The following SNX8 variants were observed in gnomAD, a reference collection of about 807,000 sequenced individuals.
SNX8 encodes the protein sorting nexin-8.
In SNX8, 25 loss-of-function variants were observed where a neutral mutation model predicts 51.6. The ratio of observed to expected loss-of-function variants is 0.48; its 90% CI spans 0.35 to 0.68. SNX8 has a LOEUF of 0.68. Ranked by LOEUF, SNX8 falls within the 30% of genes least tolerant of loss-of-function variation. The probability of loss-of-function intolerance (pLI) is 0.00; values close to 1 mark genes in which losing one functional copy is unlikely to be tolerated. For synonymous variants in SNX8, 324 were observed against 277.0 expected, an observed-to-expected ratio of 1.17 and a Z score of -1.68; for missense variants, 695 against 624.0, an observed-to-expected ratio of 1.11 and a Z score of -1.21.
chr7:2,298,465 G>A (rs1796321195), intron 1 of SNX8, among the ~76,000 whole-genome samples: 1 of 151,918 alleles, frequency 6.6e-6, no homozygotes, highest in African/African-American at 2.4e-5. Flanking sequence ...AGCCTCCCAG[G>A]TTCCAGCAAT....
At chr7:2,346,565 G>C (rs891141589) in intron 1 of SNX8, among the ~76,000 whole-genome samples, 1 of 151,576 alleles carries the variant, frequency 6.6e-6, no homozygotes, top group Non-Finnish European at 1.5e-5. Context: ...GGCTAACACA[G>C]TGAAACCCCG....
chr7:2,300,641 C>CT (rs201999410), intron 1 of SNX8, among the ~76,000 whole-genome samples: 10 of 147,190 alleles, frequency 6.8e-5, no homozygotes, highest in African/African-American at 1.0e-4. Flanking sequence ...GTCTTTTTTT[C>CT]TTTTTTTTTT....
chr7:2,325,848 A>C, intron 1 of SNX8, among the ~76,000 whole-genome samples: 1 of 152,088 alleles, frequency 6.6e-6, no homozygotes, highest in East Asian at 1.9e-4. Flanking sequence ...AATTTTTTTA[A>C]ATAAAAATAA....
intron 1 of SNX8, among the ~76,000 whole-genome samples, chr7:2,327,613 T>C (rs573283247): frequency 2.0e-5 from 3 of 151,944 alleles, no homozygotes; most frequent in African/African-American, 4.8e-5. Flanking sequence ...TTCACTGTGT[T>C]AGCCAGGATG....
chr7:2,276,899 C>T (rs1390574255), intron 2 of SNX8, among the ~76,000 whole-genome samples: 1 of 152,166 alleles, frequency 6.6e-6, no homozygotes, highest in African/African-American at 2.4e-5. Context: ...GAGCTATGAT[C>T]GTGCCACTGC....
At chr7:2,295,939 T>C (rs1458744309) in intron 1 of SNX8, among the ~76,000 whole-genome samples, 2 of 152,332 alleles carry the variant, frequency 1.3e-5, no homozygotes, top group African/African-American at 4.8e-5. Context: ...TCCATGGGTC[T>C]GTGTGCACGT....
intron 1 of SNX8, among the ~76,000 whole-genome samples, chr7:2,323,349 A>AAC (rs1562457857): frequency 4.1e-5 from 6 of 145,550 alleles, no homozygotes; most frequent in African/African-American, 7.7e-5. Flanking sequence ...AAAAAAAAAA[A>AAC]CAACCAAACA....
chr7:2,281,796 C>T (rs1303343721), intron 1 of SNX8, among the ~76,000 whole-genome samples: 4 of 152,282 alleles, frequency 2.6e-5, no homozygotes, highest in South Asian at 2.1e-4. Flanking sequence ...TGGCCTAGCA[C>T]GCAGCCGCCT....
intron 5 of SNX8, among the ~76,000 whole-genome samples, chr7:2,268,586 C>A (rs572851972): frequency 1.4e-5 from 2 of 139,304 alleles, no homozygotes; most frequent in African/African-American, 2.7e-5. Context: ...CCGCCCTGTC[C>A]GGGAGGGAGG....
chr7:2,323,672 T>A (rs1465875929), intron 1 of SNX8, among the ~76,000 whole-genome samples: 1 of 152,174 alleles, frequency 6.6e-6, no homozygotes, highest in Admixed American at 6.6e-5. Context: ...GGACCAGTGA[T>A]GTGGTCTCGC....
In SNX8 at chr7:2,281,827, C is replaced by T. The variant is rs554977020; in HGVS notation, c.95-3522G>A. Among the ~76,000 whole-genome samples, 74 of 152,286 alleles carry T rather than the reference C, an allele frequency of 4.9e-4. 1 individual carries two copies. The highest frequency in any genetic ancestry group is 1.8e-3 in the African/African-American group (74 of 41,548). The stretch of plus-strand genomic sequence containing the variant: ...CGCCTCTGAGCTTACTGTTCAAATC[C>T]GTGCGGTGGGTGTAAGGATGCCCTC... On this transcript the variant is annotated intron_variant, in intron 1 of 10. Transcript: ENST00000222990.
chr7:2,300,685 C>A (rs535430723), intron 1 of SNX8, among the ~76,000 whole-genome samples: 1 of 151,388 alleles, frequency 6.6e-6, no homozygotes, highest in East Asian at 1.9e-4. Flanking sequence ...TCTTGTCACC[C>A]AGGCTGGAGT....
chr7:2,309,215 A>G (rs895924943), intron 1 of SNX8, among the ~76,000 whole-genome samples: 8 of 152,066 alleles, frequency 5.3e-5, no homozygotes, highest in Admixed American at 5.2e-4. Flanking sequence ...GTGAGCCACC[A>G]CACCCTGCTC....
rs1456483421 is a variant in SNX8 at position 2,263,230 on chromosome 7, C to T, written c.915G>A (p.Gln305=). The change falls in exon 7 of 11, where the codon CAG becomes CAA. Residue 305 remains glutamine (Q), a splice_region_variant and synonymous_variant. Coordinates refer to ENST00000222990, the MANE Select transcript of SNX8 (RefSeq NM_013321.4). ...FALLADKAAQ[Q]GKQEENDVVE... is the part of the protein sequence containing the mutation. ...CGCCTGGGAGAACCGATCCACTCAC[C>T]TGTTGTGCAGCCTTGTCGGCGAGCA... The T allele has an allele frequency of 6.2e-7, 1 of 1,613,700 alleles. No individual in the cohort carries two copies. Among genetic ancestry groups the T allele is most frequent in the Non-Finnish European group, 8.5e-7 (1 of 1,179,974 alleles).
At chr7:2,296,316 G>A (rs1301526217) in intron 1 of SNX8, among the ~76,000 whole-genome samples, 1 of 151,914 alleles carries the variant, frequency 6.6e-6, no homozygotes, top group African/African-American at 2.4e-5. Context: ...TATTCCTAGG[G>A]TGTTTGGTTG....
rs1795533219 is a variant in SNX8, at chr7:2,268,284, G to A, written c.621+1275C>T. ...TCTGCCCGGCCGCCCCGTCTGAGAA[G>A]TGAGGAGACCCTCTGCCTGGCAACC... On this transcript the variant is annotated intron_variant, in intron 5 of 10. Coordinates refer to ENST00000222990, the MANE Select transcript of SNX8 (RefSeq NM_013321.4). Among the ~76,000 whole-genome samples the A allele has an allele frequency of 2.8e-5, 4 of 145,160 alleles. No homozygotes were observed. The South Asian group carries it at 6.7e-4, about 24-fold the overall frequency.
chr7:2,331,426 G>A (rs536313578), intron 1 of SNX8, among the ~76,000 whole-genome samples: 5 of 151,414 alleles, frequency 3.3e-5, no homozygotes, highest in East Asian at 2.0e-4. Context: ...GAATAAATAG[G>A]CCAGGCGCGG....
chr7:2,350,035 C>T (rs113458394), intron 1 of SNX8, among the ~76,000 whole-genome samples: 2,089 of 152,268 alleles, frequency 0.014, 43 homozygotes, highest in African/African-American at 0.044. Flanking sequence ...TCTCTACCAC[C>T]CGGTTCATGG....
intron 1 of SNX8, among the ~76,000 whole-genome samples, chr7:2,299,733 G>C (rs533700062): frequency 6.6e-6 from 1 of 151,906 alleles, no homozygotes. Flanking sequence ...AAGTGACTCC[G>C]GTTTTTTTCT....
Sources: gnomAD v4.1 joint callset for allele counts (sites outside exome capture counted in the v4.1 genomes callset) on GRCh38, gnomAD v4.1.1 for gene constraint, MANE v1.5 for transcripts, NCBI Gene and HGNC (gene_info 2026-07-23, HGNC 2026-07-21) for gene names.